TLK1: variants seen among roughly 807,000 people sequenced by gnomAD.
TLK1 encodes the protein tousled like kinase 1.
TLK1 carries 24 observed loss-of-function variants against 105.3 expected under a neutral mutation model. That is an observed-to-expected ratio of 0.23 (90% confidence interval 0.17 to 0.32). TLK1 has a LOEUF of 0.32. Ranked by LOEUF, TLK1 falls within the 10% of genes least tolerant of loss-of-function variation. TLK1 has a pLI of 1.00. For missense variants in TLK1, 558 were observed against 910.5 expected (o/e 0.61, Z 4.98); for synonymous variants, 321 against 310.4 (o/e 1.03, Z -0.36).
chr2:171,213,191 T>TTTTTC (rs1204821173), intron 1 of TLK1, among the ~76,000 whole-genome samples: 14 of 150,604 alleles, frequency 9.3e-5, no homozygotes, highest in East Asian at 1.9e-4. Context: ...CATATCTTTC[T>TTTTTC]TTTTCTTTTC....
In TLK1 at chr2:171,171,449, GA is replaced by G. The variant is rs147465980; in HGVS notation, c.-5-53593del. Among the ~76,000 whole-genome samples, 252 of 144,484 alleles carry G rather than the reference GA, an allele frequency of 1.7e-3. 1 individual carries two copies. The highest frequency in any genetic ancestry group is 6.2e-3 in the African/African-American group (241 of 39,154). 94.8% of individuals were successfully genotyped at this position (144,484 alleles called of 152,430 possible). On this transcript the variant is annotated intron_variant, in intron 1 of 20. Coordinates refer to the TLK1 transcript ENST00000521943. ...CTGAGGAGGCAGAGGCAGGAAGATT[GA>G]AAGTTCAAGATCAGTCTGGGCAAAA...
At chr2:171,211,229 G>A (rs867158957) in intron 1 of TLK1, among the ~76,000 whole-genome samples, 1 of 152,164 alleles carries the variant, frequency 6.6e-6, no homozygotes. Flanking sequence ...CCTTTCATGC[G>A]ACAAAAATTT....
intron 1 of TLK1, among the ~76,000 whole-genome samples, chr2:171,136,305 G>A (rs1360944664): frequency 6.6e-6 from 1 of 152,218 alleles, no homozygotes; most frequent in African/African-American, 2.4e-5. Context: ...AGTGGTTGCT[G>A]GGGCCTAGGG....
chr2:171,019,731 C>T (rs1203917322), intron 12 of TLK1, among the ~76,000 whole-genome samples: 2 of 152,098 alleles, frequency 1.3e-5, no homozygotes, highest in African/African-American at 2.4e-5. Flanking sequence ...ACCGTAACAA[C>T]ACTACTTGAT....
At chr2:171,030,875 G>T (rs1048540322) in intron 11 of TLK1, among the ~76,000 whole-genome samples, 1 of 152,068 alleles carries the variant, frequency 6.6e-6, no homozygotes, top group African/African-American at 2.4e-5. Context: ...CTACCAAGAG[G>T]TTTGGCTATC....
At chr2:171,193,403 T>G (rs1332238350) in intron 1 of TLK1, among the ~76,000 whole-genome samples, 1 of 151,292 alleles carries the variant, frequency 6.6e-6, no homozygotes. Flanking sequence ...GTTTTTCGTT[T>G]TTTTTTTTTT....
Position 171,160,236 on chromosome 2 carries a change from T to C in TLK1, c.139+54A>G. 3 of 1,214,904 alleles carry C rather than the reference T, an allele frequency of 2.5e-6. No individual in the cohort carries two copies. The highest frequency in any genetic ancestry group is 2.5e-5 in the South Asian group (1 of 40,202). The allele number at this position is 1,214,904 out of a possible 1,614,324, so 75.3% of individuals were successfully genotyped here. On this transcript the variant is annotated intron_variant, in intron 1 of 20. Transcript: ENST00000431350. The surrounding 1 kb of genome is among the most constrained non-coding windows in gnomAD (Gnocchi z 4.4). ...GGGGGGCGGGGGGGGGGCGCGGGGG[T>C]CCGCGGCGCGGGAGAGGAGGCCCGC...
chr2:171,207,273 A>C (rs1693524003), intron 1 of TLK1, among the ~76,000 whole-genome samples: 1 of 152,250 alleles, frequency 6.6e-6, no homozygotes, highest in Non-Finnish European at 1.5e-5. Context: ...ACATATTACT[A>C]AGTGAAAGAA....
chr2:171,160,642 A>G lies in TLK1; in HGVS notation c.-214T>C, dbSNP rs1692451081. ...AGGAGAGGGGACAGGGAGGAGGGAA[A>G]GGGGGAGAAGCGAGGGAGCGAGCGG... On this transcript the variant is annotated 5_prime_UTR_variant, in exon 1 of 21. Transcript: ENST00000431350. The surrounding 1 kb of genome is among the most constrained non-coding windows in gnomAD (Gnocchi z 4.4). 6 of 646,338 alleles carry G rather than the reference A, an allele frequency of 9.3e-6. No homozygotes were observed. Among genetic ancestry groups the G allele is most frequent in the Non-Finnish European group, 1.2e-5 (5 of 415,114 alleles). The allele number at this position is 646,338 out of a possible 1,614,324, so 40.0% of individuals were successfully genotyped here.
intron 3 of TLK1, 42 bp downstream of exon 3, chr2:171,082,739 C>T (rs781319466): frequency 6.9e-7 from 1 of 1,441,324 alleles, no homozygotes; most frequent in South Asian, 1.2e-5. Flanking sequence ...GTGATTCCAG[C>T]TTTTACTTTA....
At chr2:171,127,678 T>C (rs1453811035) in intron 1 of TLK1, among the ~76,000 whole-genome samples, 1 of 152,254 alleles carries the variant, frequency 6.6e-6, no homozygotes, top group African/African-American at 2.4e-5. Context: ...GAATTATATA[T>C]AGATATATAT....
chr2:171,124,973 T>C (rs1182399999), intron 1 of TLK1, among the ~76,000 whole-genome samples: 1 of 152,226 alleles, frequency 6.6e-6, no homozygotes, highest in African/African-American at 2.4e-5. Flanking sequence ...GTTTTTTAAT[T>C]GACTAGTGAT....
chr2:171,072,792 A>C (rs900877593), intron 3 of TLK1, among the ~76,000 whole-genome samples: 1 of 150,926 alleles, frequency 6.6e-6, no homozygotes, highest in Non-Finnish European at 1.5e-5. Flanking sequence ...TGTTGGGTGC[A>C]GTGGTTCGCT....
At chr2:171,050,611 T>C (rs1330607417) in intron 8 of TLK1, among the ~76,000 whole-genome samples, 1 of 152,336 alleles carries the variant, frequency 6.6e-6, no homozygotes, top group East Asian at 1.9e-4. Flanking sequence ...TTTTCCTCTA[T>C]CTCTTATAAC....
At chr2:171,196,339 A>T (rs1037815898) in intron 1 of TLK1, among the ~76,000 whole-genome samples, 2 of 151,886 alleles carry the variant, frequency 1.3e-5, no homozygotes, top group Admixed American at 1.3e-4. Context: ...CTGGTCTCAA[A>T]CTCCTGACCT....
chr2:171,039,399 G>A (rs6719647), intron 11 of TLK1, among the ~76,000 whole-genome samples: 90,305 of 152,000 alleles, frequency 0.59, 29,123 homozygotes, highest in East Asian at 0.95. Flanking sequence ...TCAAGTAGCT[G>A]GGAGTACAGG....
At chr2:171,088,300 C>G (rs939982496) in intron 2 of TLK1, among the ~76,000 whole-genome samples, 2 of 152,114 alleles carry the variant, frequency 1.3e-5, no homozygotes, top group Non-Finnish European at 2.9e-5. Flanking sequence ...CCACTGCGCT[C>G]CACCCTGAGC....
chr2:171,209,596 C>G (rs570595075), intron 1 of TLK1, among the ~76,000 whole-genome samples: 1 of 152,202 alleles, frequency 6.6e-6, no homozygotes, highest in African/African-American at 2.4e-5. Flanking sequence ...TTGTTGAAGT[C>G]CTAATTCCCA....
chr2:171,205,344 A>G (rs183262222), intron 1 of TLK1, among the ~76,000 whole-genome samples: 2 of 151,254 alleles, frequency 1.3e-5, no homozygotes, highest in Admixed American at 1.3e-4. Context: ...TTTTCCCCCA[A>G]CAGGGTCTTG....
Sources: gnomAD v4.1 joint callset for allele counts (sites outside exome capture counted in the v4.1 genomes callset) on GRCh38, gnomAD v4.1.1 for gene constraint, Gnocchi (gnomAD v3.1) non-coding constraint, MANE v1.5 for transcripts, NCBI Gene and HGNC (gene_info 2026-07-23, HGNC 2026-07-21) for gene names.